POT1: variants seen among roughly 807,000 people sequenced by gnomAD.
POT1 encodes protection of telomeres protein 1.
A neutral mutation model predicts 78.5 loss-of-function variants in POT1; 47 were observed. The observed-to-expected ratio is 0.60, with a 90% CI of 0.47 to 0.76. The LOEUF (loss-of-function observed/expected upper bound fraction) is 0.76. Ranked by LOEUF, POT1 falls within the 30% of genes least tolerant of loss-of-function variation. The probability of loss-of-function intolerance (pLI) is 0.00; values close to 1 mark genes in which losing one functional copy is unlikely to be tolerated. For synonymous variants in POT1, 259 were observed against 260.7 expected (o/e 0.99, Z 0.06); for missense variants, 646 against 749.9 (o/e 0.86, Z 1.62).
chr7:124,885,691 A>G (rs978685083), intron 6 of POT1, among the ~76,000 whole-genome samples: 10 of 151,978 alleles, frequency 6.6e-5, no homozygotes, highest in Admixed American at 1.3e-4. Flanking sequence ...GCGTGAACCC[A>G]GGAGGCGGAG....
chr7:124,830,844 A>G (rs1794742452), intron 15 of POT1, among the ~76,000 whole-genome samples: 1 of 152,176 alleles, frequency 6.6e-6, no homozygotes, highest in South Asian at 2.1e-4. Flanking sequence ...GAAACCATAA[A>G]GTTAAAAAGG....
chr7:124,895,459 G>A (rs1796469925), intron 5 of POT1, among the ~76,000 whole-genome samples: 1 of 151,520 alleles, frequency 6.6e-6, no homozygotes, highest in African/African-American at 2.4e-5. Flanking sequence ...TTAACTAGCG[G>A]ACAAAAATCA....
chr7:124,896,123 C>T (rs995977546), intron 5 of POT1, among the ~76,000 whole-genome samples: 5 of 146,802 alleles, frequency 3.4e-5, no homozygotes, highest in South Asian at 2.2e-4. Context: ...ACAGTAACTC[C>T]GTTTTCTTGA....
chr7:124,855,589 CA>C (rs1302200459), intron 9 of POT1, among the ~76,000 whole-genome samples: 1 of 149,056 alleles, frequency 6.7e-6, no homozygotes, highest in East Asian at 2.0e-4. Context: ...TCCAAAAATA[CA>C]AATGAAACAT....
chr7:124,877,038 C>T (rs1312539079), intron 6 of POT1, among the ~76,000 whole-genome samples: 1 of 152,066 alleles, frequency 6.6e-6, no homozygotes, highest in Admixed American at 6.5e-5. Context: ...ATTAAAAGGG[C>T]CCATTGAAGG....
At chr7:124,853,821 C>A (rs1305768293) in intron 9 of POT1, among the ~76,000 whole-genome samples, 1 of 151,772 alleles carries the variant, frequency 6.6e-6, no homozygotes, top group Non-Finnish European at 1.5e-5. Context: ...AATTATAGAC[C>A]ACTGAGATTT....
At chr7:124,867,986 T>C (rs896869883) in intron 7 of POT1, among the ~76,000 whole-genome samples, 6 of 152,188 alleles carry the variant, frequency 3.9e-5, no homozygotes, top group African/African-American at 1.4e-4. Context: ...CTTTGATTTA[T>C]ATGCTTACTT....
At chr7:124,851,803 A>T (rs1795312810) in intron 11 of POT1, 69 bp downstream of exon 11, 2 of 1,084,648 alleles carry the variant, frequency 1.8e-6, no homozygotes, top group Admixed American at 1.8e-5. Context: ...AGACATTACA[A>T]AGAATTATGT....
intron 8 of POT1, 85 bp from the exon 9 acceptor site, chr7:124,859,197 A>C: frequency 9.6e-7 from 1 of 1,043,330 alleles, no homozygotes; most frequent in Non-Finnish European, 1.3e-6. Context: ...CAGTATTTAA[A>C]AGTAATTAAA....
At position 124,872,526 on chromosome 7, in the gene POT1, G is replaced by A. The variant is rs572316339; in HGVS notation, c.125-1485C>T. On this transcript the variant is annotated intron_variant, in intron 6 of 18. Transcript: ENST00000357628. Reference sequence around the variant, plus strand: ...TGTTTCAGCTATCATATCAACTGTCGAGGTATCGCAGTGCTTGTGATCATG... The same window carrying A: ...TGTTTCAGCTATCATATCAACTGTCAAGGTATCGCAGTGCTTGTGATCATG... Among the ~76,000 whole-genome samples, 7 of 152,240 alleles carry A rather than the reference G, an allele frequency of 4.6e-5. No individual in the cohort carries two copies. In the South Asian group the frequency reaches 8.3e-4, roughly 18 times the overall value.
At chr7:124,917,190 C>T (rs1749431850) in intron 2 of POT1, among the ~76,000 whole-genome samples, 1 of 152,078 alleles carries the variant, frequency 6.6e-6, no homozygotes. Context: ...TTCATCAGAA[C>T]AGAGAACATC....
At chr7:124,863,281 G>T in intron 8 of POT1, 69 bp downstream of exon 8, 1 of 1,440,966 alleles carries the variant, frequency 6.9e-7, no homozygotes, top group South Asian at 1.3e-5. Flanking sequence ...TCAGAATGCT[G>T]AAACATAAGC....
intron 2 of POT1, among the ~76,000 whole-genome samples, chr7:124,926,608 T>C (rs915116072): frequency 6.6e-6 from 1 of 151,934 alleles, no homozygotes; most frequent in Non-Finnish European, 1.5e-5. Context: ...AAGAAATCAT[T>C]AAATAAAAAA....
intron 4 of POT1, among the ~76,000 whole-genome samples, chr7:124,898,015 T>C (rs1191208260): frequency 6.6e-6 from 1 of 152,002 alleles, no homozygotes; most frequent in East Asian, 1.9e-4. Context: ...CTAGAATGTC[T>C]GTGCGGTTTT....
At chr7:124,870,321 A>C (rs1482155837) in intron 7 of POT1, among the ~76,000 whole-genome samples, 1 of 152,062 alleles carries the variant, frequency 6.6e-6, no homozygotes, top group East Asian at 1.9e-4. Flanking sequence ...AAGTTCTAAA[A>C]TTTTTTTAAT....
intron 7 of POT1, among the ~76,000 whole-genome samples, chr7:124,864,515 AT>A (rs896669866): frequency 6.6e-6 from 1 of 150,478 alleles, no homozygotes; most frequent in Non-Finnish European, 1.5e-5. Flanking sequence ...TTTTAAAACC[AT>A]TTTTTTTCCT....
chr7:124,874,720 G>GT lies in POT1; in HGVS notation c.125-3680dup, dbSNP rs1431859502. The stretch of plus-strand genomic sequence containing the variant: ...ACTGCACTCCAGTCTGGATGATAGC[G>GT]TGAGATCTGCCTCAAAAAAAAAAAA... On this transcript the variant is annotated intron_variant, in intron 6 of 18. Coordinates refer to ENST00000357628, the MANE Select transcript of POT1 (RefSeq NM_015450.3). 8.0e-5 allele frequency among the ~76,000 whole-genome samples: 12 copies of GT among 149,884 alleles called. No individual in the cohort carries two copies. The South Asian group carries it at 1.7e-3, about 21-fold the overall frequency.
rs113724200 is a variant in POT1 at position 124,925,180 on chromosome 7, T to C, written c.-227+3635A>G. ...GGAAAGAAGTAGCAAATTATCATAG[T>C]TGGCTAATGATATGATCTTGTATAC... is the stretch of plus-strand genomic sequence containing the variant. On this transcript the variant is annotated intron_variant, in intron 2 of 18. Coordinates refer to ENST00000357628, the MANE Select transcript of POT1 (RefSeq NM_015450.3). 7.6e-3 allele frequency among the ~76,000 whole-genome samples: 1,163 copies of C among 152,178 alleles called. 19 individuals carry two copies. The highest frequency in any genetic ancestry group is 0.026 in the African/African-American group (1,089 of 41,554).
chr7:124,921,643 C>T lies in POT1; in HGVS notation c.-226-5997G>A, dbSNP rs548393480. ...ATTTAAAAACTCACTAAAAATGCAT[C>T]CAGAATATTGGATATGGCAGACAAA... On this transcript the variant is annotated intron_variant, in intron 2 of 18. Transcript: ENST00000357628. Among the ~76,000 whole-genome samples, 10 of 152,018 alleles carry T rather than the reference C, an allele frequency of 6.6e-5. No individual in the cohort carries two copies. In the East Asian group the frequency reaches 1.9e-3, roughly 29 times the overall value.
Sources: gnomAD v4.1 joint callset for allele counts (sites outside exome capture counted in the v4.1 genomes callset) on GRCh38, gnomAD v4.1.1 for gene constraint, MANE v1.5 for transcripts, NCBI Gene and HGNC (gene_info 2026-07-23, HGNC 2026-07-21) for gene names.